The following PMPCB variants were observed in gnomAD, a reference collection of about 807,000 sequenced individuals.
PMPCB encodes the protein mitochondrial-processing peptidase subunit beta.
A neutral mutation model predicts 61.5 loss-of-function variants in PMPCB; 46 were observed. That is an observed-to-expected ratio of 0.75 (90% CI 0.59 to 0.96). PMPCB has a LOEUF of 0.96. PMPCB is among the 40% of genes least tolerant of loss of function. The pLI is 0.00. For synonymous variants in PMPCB, 191 were observed against 201.6 expected (o/e 0.95, Z 0.44); for missense variants, 590 against 602.4 (o/e 0.98, Z 0.22).
chr7:103,333,646 C>T (rs1819056227), downstream of PMPCB, among the ~76,000 whole-genome samples: 1 of 152,148 alleles, frequency 6.6e-6, no homozygotes, highest in African/African-American at 2.4e-5. Context: ...TTCCCTTGTA[C>T]CCTTTTCCAC....
chr7:103,308,020 T>A (rs909861495), intron 7 of PMPCB, among the ~76,000 whole-genome samples: 26 of 152,264 alleles, frequency 1.7e-4, no homozygotes, highest in African/African-American at 6.0e-4. Context: ...TATGCCAATT[T>A]ACATATTGTA....
intron 6 of PMPCB, 117 bp from the exon 7 acceptor site, chr7:103,307,479 T>C (rs567599770): frequency 1.6e-6 from 1 of 614,382 alleles, no homozygotes; most frequent in South Asian, 2.1e-5. Context: ...TCTTAAATAA[T>C]GGCTTTTAGT....
At chr7:103,332,872 C>T (rs75346832), downstream of PMPCB, among the ~76,000 whole-genome samples, 166 of 152,296 alleles carry the variant, frequency 1.1e-3, 1 homozygote, top group African/African-American at 3.9e-3. Context: ...AATCCACCCA[C>T]CTCAGCCTTC....
At chr7:103,312,164 G>A (rs1023785953) in intron 12 of PMPCB, 33 bp downstream of exon 12, 2 of 1,613,974 alleles carry the variant, frequency 1.2e-6, no homozygotes, top group Non-Finnish European at 8.5e-7. Context: ...TATGCAAAAA[G>A]TTGGCCAAGT....
chr7:103,317,417 TC>T (rs1818130168), downstream of PMPCB: 2 of 162,122 alleles, frequency 1.2e-5, no homozygotes, highest in African/African-American at 4.8e-5. Flanking sequence ...CAAAATGGCC[TC>T]TTTTATTTTG....
chr7:103,333,816 A>C (rs562293331), downstream of PMPCB, among the ~76,000 whole-genome samples: 17 of 152,146 alleles, frequency 1.1e-4, no homozygotes, highest in Non-Finnish European at 2.5e-4. Flanking sequence ...GTGTATTGGC[A>C]ATTTGTTCTT....
At chr7:103,333,515 G>T (rs73412175), downstream of PMPCB, among the ~76,000 whole-genome samples, 11,486 of 152,176 alleles carry the variant, frequency 0.075, 1,428 homozygotes, top group African/African-American at 0.26. Context: ...GAGATAAAAC[G>T]TAGATAAAAT....
At chr7:103,303,621 A>G (rs1817504963) in intron 4 of PMPCB, among the ~76,000 whole-genome samples, 1 of 152,218 alleles carries the variant, frequency 6.6e-6, no homozygotes, top group Non-Finnish European at 1.5e-5. Context: ...GTGATGGCAA[A>G]TTTATACTTT....
At chr7:103,325,919 CA>C (rs1818680615) in intron 12 of PMPCB, among the ~76,000 whole-genome samples, 3 of 152,018 alleles carry the variant, frequency 2.0e-5, no homozygotes, top group Admixed American at 2.0e-4. Context: ...AAGAGGAAAT[CA>C]AAGAATGGAA....
Position 103,314,039 on chromosome 7 carries a change from C to G in PMPCB, c.*1768C>G, listed in dbSNP as rs924712269. 4.1e-6 allele frequency: 4 copies of G among 985,170 alleles called. No individual in the cohort carries two copies. Among genetic ancestry groups the G allele is most frequent in the Non-Finnish European group, 4.8e-6 (4 of 829,908 alleles). 61.0% of individuals were successfully genotyped at this position (985,170 alleles called of 1,614,324 possible). On this transcript the variant is annotated 3_prime_UTR_variant, in exon 13 of 13. Coordinates refer to ENST00000249269, the MANE Select transcript of PMPCB (RefSeq NM_004279.3). ...TTAAAGAAGGAAAAACAAAACAAAA[C>G]AAAACAAAACCACCACCTATTCAAA...
In PMPCB at chr7:103,313,245, A is replaced by G; in HGVS notation, c.*974A>G. On this transcript the variant is annotated 3_prime_UTR_variant, in exon 13 of 13. Transcript: ENST00000249269. ...AAACTTGTAGAGATGAGAGATACAT[A>G]TAGCCCTCTGAGTGTTAATAAGAGA... is the stretch of plus-strand genomic sequence containing the variant. 5 of 1,408,878 alleles carry G rather than the reference A, an allele frequency of 3.5e-6. No individual in the cohort carries two copies. The highest frequency in any genetic ancestry group is 4.6e-6 in the Non-Finnish European group (5 of 1,085,270). The allele number at this position is 1,408,878 out of a possible 1,614,324, so 87.3% of individuals were successfully genotyped here.
chr7:103,310,583 G>A, intron 9 of PMPCB, 108 bp downstream of exon 9: 1 of 825,958 alleles, frequency 1.2e-6, no homozygotes, highest in Non-Finnish European at 1.8e-6. Context: ...TTTTAATTAA[G>A]AGACCTAGAT....
At position 103,313,696 on chromosome 7, in the gene PMPCB, C is replaced by T. The variant is rs1817886387; in HGVS notation, c.*1425C>T. 1 of 985,414 alleles carries T rather than the reference C, an allele frequency of 1.0e-6. No individual in the cohort carries two copies. The highest frequency in any genetic ancestry group is 1.7e-5 in the African/African-American group (1 of 57,354). The allele number at this position is 985,414 out of a possible 1,614,324, so 61.0% of individuals were successfully genotyped here. On this transcript the variant is annotated 3_prime_UTR_variant, in exon 13 of 13. Coordinates refer to ENST00000249269, the MANE Select transcript of PMPCB (RefSeq NM_004279.3). ...TCTGCTAAAATCTTGGGAGCCGATGCTGAACACTTCCAATAACTGCTATTG... is the reference window on the plus strand; with the variant it reads ...TCTGCTAAAATCTTGGGAGCCGATGTTGAACACTTCCAATAACTGCTATTG...
chr7:103,316,125 T>TA, downstream of PMPCB: 1 of 1,350,868 alleles, frequency 7.4e-7, no homozygotes, highest in Non-Finnish European at 1.0e-6. Context: ...TGAATAGTAG[T>TA]AAGGAAAAAC....
intron 7 of PMPCB, among the ~76,000 whole-genome samples, chr7:103,308,620 A>G (rs1238412396): frequency 1.3e-5 from 2 of 152,044 alleles, no homozygotes; most frequent in Non-Finnish European, 2.9e-5. Flanking sequence ...CTCTGTCTCA[A>G]AAAAAAAGAA....
downstream of PMPCB, among the ~76,000 whole-genome samples, chr7:103,332,997 A>AT (rs1481753521): frequency 6.6e-6 from 1 of 152,100 alleles, no homozygotes; most frequent in Non-Finnish European, 1.5e-5. Context: ...GGGATTTCAA[A>AT]TTTTTTTAGA....
chr7:103,301,873 T>G (rs28399298), intron 4 of PMPCB, among the ~76,000 whole-genome samples: 1 of 152,082 alleles, frequency 6.6e-6, no homozygotes, highest in African/African-American at 2.4e-5. Flanking sequence ...ACATATGTAT[T>G]CATGTGCCGT....
In PMPCB at chr7:103,313,057, G is replaced by T; in HGVS notation, c.*786G>T. ...TATGTTTTCAAAGCTTGTTCCAAAA[G>T]CTTCTGTTCTTCTGTTGTCCAAGGG... On this transcript the variant is annotated 3_prime_UTR_variant, in exon 13 of 13. Transcript: ENST00000249269. 6.2e-7 allele frequency: 1 copy of T among 1,613,940 alleles called. No individual in the cohort carries two copies. Among genetic ancestry groups the T allele is most frequent in the Non-Finnish European group, 8.5e-7 (1 of 1,179,914 alleles).
At position 103,325,459 on chromosome 7, in the gene PMPCB, A is replaced by C. The variant is rs563270175; in HGVS notation, c.*1432-3472A>C. Among the ~76,000 whole-genome samples, 10 of 151,916 alleles carry C rather than the reference A, an allele frequency of 6.6e-5. 1 individual carries two copies. The South Asian group carries it at 2.1e-3, about 32-fold the overall frequency. On this transcript the variant is annotated intron_variant and NMD_transcript_variant, in intron 12 of 12. Transcript: ENST00000444457. ...CTCAAAATAAAAAAGGAAAAAAAAA[A>C]AACCAAAAAACAGGTGAAATCCAAG...
Sources: allele counts gnomAD v4.1 joint callset (sites outside exome capture counted in the v4.1 genomes callset), GRCh38; gene constraint gnomAD v4.1.1; transcripts MANE v1.5; gene names NCBI Gene and HGNC (gene_info 2026-07-23, HGNC 2026-07-21).